The following TUBGCP6 variants were observed in gnomAD, a reference collection of about 807,000 sequenced individuals.
TUBGCP6 encodes tubulin gamma complex component 6.
Under a neutral mutation model 175.8 loss-of-function variants are expected in TUBGCP6, and 161 were observed. That is an observed-to-expected ratio of 0.92 (90% CI 0.81 to 1.04). The LOEUF is 1.04. Among genes scored for constraint, TUBGCP6 ranks in the 50% least tolerant of loss-of-function variants. TUBGCP6 has a pLI of 0.00. For missense variants in TUBGCP6, 2,572 were observed against 2,433.0 expected (o/e 1.06, Z -1.20); for synonymous variants, 1,173 against 1,030.5 (o/e 1.14, Z -2.65).
rs368966472 is a variant in TUBGCP6 at position 50,217,846 on chromosome 22, C to T, written c.5369-19G>A. On this transcript the variant is annotated intron_variant, in intron 24 of 24. Transcript: ENST00000248846. The stretch of plus-strand genomic sequence containing the variant: ...GTCACCACTGGGGACCAGCGAGCAG[C>T]TCAGGCTTTTGCCCACAGTGTGAGC... The T allele has an allele frequency of 1.2e-6, 2 of 1,612,986 alleles. No individual in the cohort carries two copies. Among genetic ancestry groups the T allele is most frequent in the Non-Finnish European group, 1.7e-6 (2 of 1,179,466 alleles).
chr22:50,218,076 A>C lies in TUBGCP6; in HGVS notation c.5210T>G (p.Ile1737Ser). 6.2e-7 allele frequency: 1 copy of C among 1,613,298 alleles called. No homozygotes were observed. Among genetic ancestry groups the C allele is most frequent in the Non-Finnish European group, 8.5e-7 (1 of 1,179,900 alleles). The change falls in exon 24 of 25, where the codon ATC (isoleucine) becomes AGC (serine). Residue 1737 changes from isoleucine to serine, a missense_variant. Physicochemically the swap from Ile to Ser is moderately radical, Grantham distance 142. Transcript: ENST00000248846. ...TEKAAPVMNV[I>S]HSIFSLVLKF... ...GAGCACGAGGCTGAAGATGCTGTGG[A>C]TGACGTTCATGACGGGCGCCGCCTT...
chr22:50,224,031 T>C (rs372169552), intron 13 of TUBGCP6, 110 bp downstream of exon 13: 1 of 955,926 alleles, frequency 1.0e-6, no homozygotes, highest in Non-Finnish European at 1.6e-6. Flanking sequence ...TACCTTAATG[T>C]ATGTTTGAAG....
chr22:50,244,047 T>C lies in TUBGCP6; in HGVS notation c.413A>G (p.His138Arg). 2 of 1,614,098 alleles carry C rather than the reference T, an allele frequency of 1.2e-6. No homozygotes were observed. The highest frequency in any genetic ancestry group is 1.7e-6 in the Non-Finnish European group (2 of 1,180,026). The change falls in exon 1 of 25, where the codon CAT becomes CGT. Residue 138 changes from histidine (H) to arginine (R), a missense_variant. Coordinates refer to ENST00000248846, the MANE Select transcript of TUBGCP6 (RefSeq NM_020461.4). ...GCTGTACGGAACGTTTCTCCCCACA[T>C]GCTTGTTGTTAAGGAAGTAGTCTCG... ...RKRDYFLNNK[H>R]VGRNVPYSGY...
chr22:50,218,593 T>C lies in TUBGCP6; in HGVS notation c.4849A>G (p.Thr1617Ala), dbSNP rs2147172419. ...CTGTACTTGCTCACGCAGCCCTCGGTGATGACAATGTTGAGAGGCCAGTCC... is the reference window on the plus strand; with the variant it reads ...CTGTACTTGCTCACGCAGCCCTCGGCGATGACAATGTTGAGAGGCCAGTCC... ...KVDWPLNIVI[T>A]EGCVSKYSGV... The change falls in exon 22 of 25, where the codon ACC (threonine) becomes GCC (alanine). Residue 1617 changes from threonine to alanine, a missense_variant. By Grantham distance (58) the Thr-to-Ala change is moderately conservative. Transcript: ENST00000248846. 1.2e-6 allele frequency: 2 copies of C among 1,613,616 alleles called. No homozygotes were observed. The highest frequency in any genetic ancestry group is 1.7e-6 in the Non-Finnish European group (2 of 1,179,838).
intron 13 of TUBGCP6, 38 bp downstream of exon 13, chr22:50,224,103 G>A (rs753142213): frequency 1.4e-5 from 23 of 1,588,636 alleles, no homozygotes; most frequent in South Asian, 1.2e-4. Context: ...GGCCCCTGCC[G>A]CACTGCACCC....
intron 1 of TUBGCP6, among the ~76,000 whole-genome samples, chr22:50,242,662 G>A (rs749718796): frequency 6.6e-6 from 1 of 152,236 alleles, no homozygotes; most frequent in African/African-American, 2.4e-5. Flanking sequence ...GAGCTACAGC[G>A]TACCATGGTA....
chr22:50,218,274 C>T lies in TUBGCP6; in HGVS notation c.5083G>A (p.Glu1695Lys). 1.9e-6 allele frequency: 3 copies of T among 1,613,106 alleles called. No individual in the cohort carries two copies. Among genetic ancestry groups the T allele is most frequent in the Non-Finnish European group, 2.5e-6 (3 of 1,179,992 alleles). Residue 1695 changes from glutamate (E) to lysine (K), a missense_variant, in exon 23 of 25, where the codon GAG (glutamate) becomes AAG (lysine). Physicochemically the swap from Glu to Lys is moderately conservative, Grantham distance 56. Coordinates refer to ENST00000248846, the MANE Select transcript of TUBGCP6 (RefSeq NM_020461.4). ...ACGGTGGCCAACCTGGCCCTGAACT[C>T]GCACCAGGTGACGTGCAGGATCTGG... ...ANQILHVTWC[E>K]FRARLATVGD...
Position 50,221,864 on chromosome 22 carries a change from G to A in TUBGCP6, c.2495C>T (p.Pro832Leu), listed in dbSNP as rs369335591. 2.3e-5 allele frequency: 35 copies of A among 1,512,962 alleles called. No homozygotes were observed. In the African/African-American group the frequency reaches 3.5e-4, roughly 15 times the overall value. 93.7% of individuals were successfully genotyped at this position (1,512,962 alleles called of 1,614,324 possible). A position where few individuals can be genotyped will look rare whatever the true frequency, so the allele number is the denominator to read the frequency against. The change falls in exon 16 of 25, where the codon CCG (proline) becomes CTG (leucine). Residue 832 changes from proline (P) to leucine (L), a missense_variant. Physicochemically the swap from Pro to Leu is moderately conservative, Grantham distance 98. Coordinates refer to ENST00000248846, the MANE Select transcript of TUBGCP6 (RefSeq NM_020461.4). Reference protein sequence around the residue: ...LLSVHPQVTSPGPEHPEGGQG... With the variant: ...LLSVHPQVTSLGPEHPEGGQG... ...GCCTCCCTCTGGGTGCTCAGGGCCCGGAGACGTGACCTGAAACACAGGTGA... is the reference window on the plus strand; with the variant it reads ...GCCTCCCTCTGGGTGCTCAGGGCCCAGAGACGTGACCTGAAACACAGGTGA...
At chr22:50,242,150 G>C (rs1346601892) in intron 1 of TUBGCP6, among the ~76,000 whole-genome samples, 2 of 152,170 alleles carry the variant, frequency 1.3e-5, no homozygotes, top group East Asian at 3.9e-4. Flanking sequence ...AAATTCGCAG[G>C]GCGTGGTGGC....
Position 50,219,687 on chromosome 22 carries a change from C to A in TUBGCP6, c.4272G>T (p.Gly1424=). 1 of 1,613,722 alleles carries A rather than the reference C, an allele frequency of 6.2e-7. No homozygotes were observed. The highest frequency in any genetic ancestry group is 8.5e-7 in the Non-Finnish European group (1 of 1,179,978). ...CCGGGTACCGCTCCAAGTGGTACTG[C>A]CCTGCCAGGCCTGCCAGGTAGGCCT... is the stretch of plus-strand genomic sequence containing the variant. ...GEQAYLAGLA[G]QYHLERYPDS... is the part of the protein sequence containing the mutation. The change falls in exon 18 of 25, where the codon GGG becomes GGT. Residue 1424 remains glycine, a synonymous_variant. Transcript: ENST00000248846.
intron 1 of TUBGCP6, among the ~76,000 whole-genome samples, chr22:50,242,261 G>A (rs972556348): frequency 2.0e-5 from 3 of 151,590 alleles, no homozygotes; most frequent in Non-Finnish European, 1.5e-5. Flanking sequence ...CACCGCACTC[G>A]AGCCTGGGCG....
At position 50,227,963 on chromosome 22, in the gene TUBGCP6, G is replaced by A. The variant is rs759044455; in HGVS notation, c.1356C>T (p.Pro452=). The change falls in exon 5 of 25, where the codon CCC becomes CCT. Residue 452 remains proline (P), a synonymous_variant. Coordinates refer to ENST00000248846, the MANE Select transcript of TUBGCP6 (RefSeq NM_020461.4). ...YYRACVLSTP[P]TLSLLTIGFL... The stretch of plus-strand genomic sequence containing the variant: ...AACCAATGGTGAGGAGGCTCAGGGT[G>A]GGCGGAGTGGAAAGGACGCAGGCCC... 7.6e-6 allele frequency: 12 copies of A among 1,571,722 alleles called. No homozygotes were observed. Among genetic ancestry groups the A allele is most frequent in the African/African-American group, 6.7e-5 (5 of 74,420 alleles).
intron 1 of TUBGCP6, among the ~76,000 whole-genome samples, chr22:50,242,524 C>A (rs1404804715): frequency 6.6e-6 from 1 of 152,108 alleles, no homozygotes; most frequent in Admixed American, 6.6e-5. Context: ...TGCTGTACAC[C>A]AAGACATTTG....
chr22:50,232,889 A>G (rs569702762), intron 3 of TUBGCP6, among the ~76,000 whole-genome samples: 3 of 152,376 alleles, frequency 2.0e-5, no homozygotes, highest in Admixed American at 6.5e-5. Context: ...AGCTGGTGCC[A>G]GAACCAGTAA....
Position 50,221,274 on chromosome 22 carries a change from C to A in TUBGCP6, c.3085G>T (p.Val1029Leu). The change falls in exon 16 of 25, where the codon GTG (valine) becomes TTG (leucine). Residue 1029 changes from valine to leucine, a missense_variant. By Grantham distance (32) the Val-to-Leu change is conservative. Coordinates refer to ENST00000248846, the MANE Select transcript of TUBGCP6 (RefSeq NM_020461.4). ...CCTGTGGGAAGACCACCCCCTGACA[C>A]CTGCCCAAAGAGCCGCTCTGTGGGC... ...SQPTERLFGQ[V>L]SGGGLPTGDY... 1 of 1,614,044 alleles carries A rather than the reference C, an allele frequency of 6.2e-7. No individual in the cohort carries two copies. The highest frequency in any genetic ancestry group is 1.3e-5 in the African/African-American group (1 of 75,080).
At position 50,226,769 on chromosome 22, in the gene TUBGCP6, A is replaced by G; in HGVS notation, c.1565T>C (p.Leu522Pro). The change falls in exon 7 of 25, where the codon CTG (leucine) becomes CCG (proline). Residue 522 changes from leucine to proline, a missense_variant. Transcript: ENST00000248846. ...NCSNEHYPVL[L>P]SLLKTSCEPY... is the part of the protein sequence containing the mutation. ...CTCGCAGCTGGTCTTCAGCAGGGAC[A>G]GCAGTACAGGGTAGTGCTCGTTGCT... 1 of 1,594,058 alleles carries G rather than the reference A, an allele frequency of 6.3e-7. No homozygotes were observed. The highest frequency in any genetic ancestry group is 8.5e-7 in the Non-Finnish European group (1 of 1,171,262).
In TUBGCP6 at chr22:50,244,495, A is replaced by C; in HGVS notation, c.-36T>G. On this transcript the variant is annotated 5_prime_UTR_variant, in exon 1 of 25. Coordinates refer to ENST00000248846, the MANE Select transcript of TUBGCP6 (RefSeq NM_020461.4). Reference sequence around the variant, plus strand: ...AGCTCCGGGCCCCCGGCGTGTGGGAAAACACCTCACCCGGGCTTCACTCAC... The same window carrying C: ...AGCTCCGGGCCCCCGGCGTGTGGGACAACACCTCACCCGGGCTTCACTCAC... The C allele has an allele frequency of 6.4e-7, 1 of 1,574,436 alleles. No individual in the cohort carries two copies. Among genetic ancestry groups the C allele is most frequent in the Non-Finnish European group, 8.6e-7 (1 of 1,162,080 alleles).
In TUBGCP6 at chr22:50,217,770, C is replaced by G; in HGVS notation, c.5426G>C (p.Arg1809Pro). ...YQPHLEDFLL[R>P]INFNNYYQDA ...CTGGTAGTAGTTGTTGAAGTTGATG[C>G]GCAGCAGAAAGTCCTCCAGGTGGGG... Residue 1809 changes from arginine (R) to proline (P), a missense_variant, in exon 25 of 25, where the codon CGC becomes CCC. By Grantham distance (103) the Arg-to-Pro change is moderately radical (BLOSUM62 -2). Transcript: ENST00000248846. 2.5e-6 allele frequency: 4 copies of G among 1,613,994 alleles called. No homozygotes were observed. Among genetic ancestry groups the G allele is most frequent in the South Asian group, 1.1e-5 (1 of 91,074 alleles).
In TUBGCP6 at chr22:50,225,855, G is replaced by A; in HGVS notation, c.1922C>T (p.Ala641Val). The A allele has an allele frequency of 6.2e-7, 1 of 1,613,890 alleles. No homozygotes were observed. Among genetic ancestry groups the A allele is most frequent in the Non-Finnish European group, 8.5e-7 (1 of 1,179,984 alleles). Residue 641 changes from alanine to valine, a missense_variant, in exon 10 of 25, where the codon GCC (alanine) becomes GTC (valine). Ala to Val is a moderately conservative substitution (Grantham distance 64). Transcript: ENST00000248846. ...CCTCTCCATGCGCCCAACGTAGACG[G>A]CACAGTCCTTCTCAATCTCCTTCAA... Reference protein sequence around the residue: ...EELKEIEKDCAVYVGRMERVA... With the variant: ...EELKEIEKDCVVYVGRMERVA...
Sources: gnomAD v4.1 joint callset for allele counts (sites outside exome capture counted in the v4.1 genomes callset) on GRCh38, gnomAD v4.1.1 for gene constraint, MANE v1.5 for transcripts, NCBI Gene and HGNC (gene_info 2026-07-23, HGNC 2026-07-21) for gene names.